The following SLIT3 variants were observed in gnomAD, a reference collection of about 807,000 sequenced individuals.
SLIT3 encodes slit guidance ligand 3, also known as slit homolog 3 protein.
Under a neutral mutation model 184.0 loss-of-function variants are expected in SLIT3, and 68 were observed. The observed-to-expected ratio is 0.37, with a 90% confidence interval of 0.30 to 0.45. SLIT3 has a LOEUF of 0.45. Among genes scored for constraint, SLIT3 ranks in the 20% least tolerant of loss-of-function variants. SLIT3 has a pLI of 1.00. For synonymous variants in SLIT3, 831 were observed against 828.6 expected, an observed-to-expected ratio of 1.00 and a Z score of -0.05; for missense variants, 1,707 against 2,026.0, an observed-to-expected ratio of 0.84 and a Z score of 3.02.
chr5:169,251,667 T>C (rs934672609), intron 1 of SLIT3, among the ~76,000 whole-genome samples: 3 of 152,186 alleles, frequency 2.0e-5, no homozygotes, highest in African/African-American at 4.8e-5. Flanking sequence ...CTCTTTTATA[T>C]GTAACTGCCT....
At chr5:169,083,614 T>C (rs761921811) in intron 4 of SLIT3, among the ~76,000 whole-genome samples, 22 of 151,930 alleles carry the variant, frequency 1.4e-4, no homozygotes, top group Non-Finnish European at 2.6e-4. Flanking sequence ...CAGTTCAGAG[T>C]TTAATTAGCC....
At chr5:168,725,907 G>A (rs931795295) in intron 20 of SLIT3, among the ~76,000 whole-genome samples, 14 of 152,198 alleles carry the variant, frequency 9.2e-5, no homozygotes, top group African/African-American at 3.4e-4. Flanking sequence ...ACATTGGAAC[G>A]TGCATTATCT....
At chr5:168,896,722 C>T (rs1241046562) in intron 4 of SLIT3, among the ~76,000 whole-genome samples, 1 of 152,186 alleles carries the variant, frequency 6.6e-6, no homozygotes, top group Non-Finnish European at 1.5e-5. Flanking sequence ...GCAGCAATTG[C>T]TGTGCAGAGG....
At chr5:169,245,313 G>C (rs896518933) in intron 2 of SLIT3, among the ~76,000 whole-genome samples, 19 of 152,044 alleles carry the variant, frequency 1.2e-4, no homozygotes, top group African/African-American at 4.3e-4. Flanking sequence ...TAAAAGATCA[G>C]GCTCCCTCCC....
chr5:169,229,669 T>TCC (rs1554109367), intron 3 of SLIT3, among the ~76,000 whole-genome samples: 7 of 148,494 alleles, frequency 4.7e-5, no homozygotes, highest in African/African-American at 1.5e-4. Flanking sequence ...TCTCTCTCTC[T>TCC]CCTTATTCAT....
intron 4 of SLIT3, among the ~76,000 whole-genome samples, chr5:168,947,217 A>C (rs879895059): frequency 6.6e-6 from 1 of 152,248 alleles, no homozygotes; most frequent in Non-Finnish European, 1.5e-5. Context: ...AGGCTGAAAG[A>C]GAAATGCAAC....
intron 4 of SLIT3, among the ~76,000 whole-genome samples, chr5:168,904,430 A>G (rs1042236988): frequency 1.3e-5 from 2 of 152,080 alleles, no homozygotes; most frequent in Admixed American, 1.3e-4. Context: ...GTTATAAAAT[A>G]TCAAAGCCTC....
At chr5:169,250,556 G>A (rs1765739043) in intron 2 of SLIT3, among the ~76,000 whole-genome samples, 1 of 152,108 alleles carries the variant, frequency 6.6e-6, no homozygotes, top group Non-Finnish European at 1.5e-5. Flanking sequence ...TTATTATATA[G>A]GGCTATTAGT....
At chr5:169,191,611 C>T (rs1398569857) in intron 4 of SLIT3, among the ~76,000 whole-genome samples, 2 of 152,150 alleles carry the variant, frequency 1.3e-5, no homozygotes, top group Non-Finnish European at 2.9e-5. Context: ...GAGGGTATCT[C>T]CCTTTACTGA....
In SLIT3 at chr5:169,251,481, G is replaced by C. The variant is rs1245907158; in HGVS notation, c.198-22C>G. The C allele has an allele frequency of 3.2e-6, 5 of 1,570,234 alleles. No homozygotes were observed. The Admixed American group carries it at 5.0e-5, about 16-fold the overall frequency. ...GTCACTGCAATGGAGAGCAAATTCA[G>C]GTCAGATTTTTGTGGGTTACAATTA... On this transcript the variant is annotated intron_variant, in intron 1 of 35. Transcript: ENST00000519560.
At chr5:168,772,589 T>C in intron 14 of SLIT3, 192 bp downstream of exon 14, 1 of 600,158 alleles carries the variant, frequency 1.7e-6, no homozygotes, top group East Asian at 2.8e-5. Context: ...TGTGTGTGTG[T>C]GTGTGTTTTA....
At chr5:168,965,751 A>G (rs1015304136) in intron 4 of SLIT3, among the ~76,000 whole-genome samples, 3 of 152,214 alleles carry the variant, frequency 2.0e-5, no homozygotes, top group Non-Finnish European at 1.5e-5. Context: ...CAAACTTTCC[A>G]CTTGATTCTG....
chr5:169,004,430 A>C (rs925706923), intron 4 of SLIT3, among the ~76,000 whole-genome samples: 1 of 151,438 alleles, frequency 6.6e-6, no homozygotes, highest in Admixed American at 6.6e-5. Flanking sequence ...ACCATAATAA[A>C]CTCCCTCCAA....
In SLIT3 at chr5:168,748,402, G is replaced by GACCAC; in HGVS notation, c.2169_2170insGTGGT (p.Arg724ValfsTer33). On this transcript the variant is annotated frameshift_variant, in exon 20 of 36. Transcript: ENST00000519560. LOFTEE classifies it high-confidence loss of function. Reference sequence around the variant, plus strand: ...ATACAGGTGCACTGCTCCGGGCAGCGCGGGCTCAGCTGGCAGCTACTCTCC... The same window carrying GACCAC: ...ATACAGGTGCACTGCTCCGGGCAGCGACCACCGGGCTCAGCTGGCAGCTACTCTCC... The GACCAC allele has an allele frequency of 6.6e-7, 1 of 1,522,326 alleles. No individual in the cohort carries two copies. The highest frequency in any genetic ancestry group is 8.7e-7 in the Non-Finnish European group (1 of 1,146,888). 94.3% of individuals were successfully genotyped at this position (1,522,326 alleles called of 1,614,324 possible). A position where few individuals can be genotyped will look rare whatever the true frequency, so the allele number is the denominator to read the frequency against.
At chr5:168,762,474 C>T (rs1166071895) in intron 15 of SLIT3, 65 bp downstream of exon 15, 37 of 1,566,240 alleles carry the variant, frequency 2.4e-5, no homozygotes, top group East Asian at 2.3e-5. Context: ...AGACCCTGCC[C>T]ACGCTGGCTC....
intron 1 of SLIT3, among the ~76,000 whole-genome samples, chr5:169,293,318 C>T (rs1302081827): frequency 6.6e-6 from 1 of 151,960 alleles, no homozygotes; most frequent in Non-Finnish European, 1.5e-5. Context: ...AAGAACTGAG[C>T]TCCTCATCAC....
intron 20 of SLIT3, among the ~76,000 whole-genome samples, chr5:168,735,972 A>G (rs903300558): frequency 7.2e-5 from 11 of 152,230 alleles, no homozygotes; most frequent in Admixed American, 6.5e-4. Context: ...TCTTGAATTT[A>G]AGATCTTTCC....
At chr5:168,965,740 G>A (rs1490497259) in intron 4 of SLIT3, among the ~76,000 whole-genome samples, 1 of 152,222 alleles carries the variant, frequency 6.6e-6, no homozygotes, top group Non-Finnish European at 1.5e-5. Context: ...CTCTCCGAGG[G>A]CAAACTTTCC....
intron 4 of SLIT3, among the ~76,000 whole-genome samples, chr5:169,117,851 C>T (rs906687728): frequency 6.6e-6 from 1 of 152,216 alleles, no homozygotes; most frequent in African/African-American, 2.4e-5. Context: ...TCTAGGTTCT[C>T]TCCTTGGCCC....
Sources: allele counts gnomAD v4.1 joint callset (sites outside exome capture counted in the v4.1 genomes callset), GRCh38; gene constraint gnomAD v4.1.1; transcripts MANE v1.5; gene names NCBI Gene and HGNC (gene_info 2026-07-23, HGNC 2026-07-21).